SPOCK2: variants seen among roughly 807,000 people sequenced by gnomAD.
The protein encoded by SPOCK2 is testican-2.
A neutral mutation model predicts 60.1 loss-of-function variants in SPOCK2; 39 were observed. That is an observed-to-expected ratio of 0.65 (90% CI 0.50 to 0.85). The LOEUF is 0.85. SPOCK2 is among the 40% of genes least tolerant of loss of function. The pLI is 0.00. For synonymous variants in SPOCK2, 217 were observed against 231.5 expected, an observed-to-expected ratio of 0.94 and a Z score of 0.57; for missense variants, 523 against 567.4, an observed-to-expected ratio of 0.92 and a Z score of 0.80.
In SPOCK2 at chr10:72,073,629, G is replaced by A. The variant is rs773764930; in HGVS notation, c.190-719C>T. Among the ~76,000 whole-genome samples, 15 of 152,168 alleles carry A rather than the reference G, an allele frequency of 9.9e-5. No homozygotes were observed. The South Asian group carries it at 1.0e-3, about 10-fold the overall frequency. Reference sequence around the variant, plus strand: ...CAGATGACCTGACCCAGGTCCTCCCGTCACACAACCCAGGTCTCCCGATGC... The same window carrying A: ...CAGATGACCTGACCCAGGTCCTCCCATCACACAACCCAGGTCTCCCGATGC... On this transcript the variant is annotated intron_variant, in intron 1 of 10. Transcript: ENST00000373109.
At position 72,062,969 on chromosome 10, in the gene SPOCK2, C is replaced by A; in HGVS notation, c.1129+56G>T. On this transcript the variant is annotated intron_variant, in intron 10 of 10. Transcript: ENST00000373109. This position sits in a 1 kb window ranked among gnomAD's most constrained non-coding sequence, Gnocchi z 4.3. ...CTGGCACGCACCCCCCAGCATCCCA[C>A]GACAAGGGCCCCCAGGCCTGGGCCC... 1 of 1,580,584 alleles carries A rather than the reference C, an allele frequency of 6.3e-7. No homozygotes were observed. The highest frequency in any genetic ancestry group is 8.6e-7 in the Non-Finnish European group (1 of 1,165,658).
At position 72,070,446 on chromosome 10, in the gene SPOCK2, G is replaced by A. The variant is rs200935182; in HGVS notation, c.360-20C>T. On this transcript the variant is annotated intron_variant, in intron 4 of 10. Transcript: ENST00000373109. ...TTGATCCTACAGGAGAGGGTGGGGG[G>A]CACACCAGGGTGGAAGTGACAATGA... 2.6e-5 allele frequency: 42 copies of A among 1,610,972 alleles called. No homozygotes were observed. In the Admixed American group the frequency reaches 5.2e-4, roughly 20 times the overall value.
rs58176786 is a variant in SPOCK2, at chr10:72,063,031, C to A, written c.1123G>T (p.Asp375Tyr). 1.3e-6 allele frequency: 2 copies of A among 1,556,720 alleles called. No individual in the cohort carries two copies. Among genetic ancestry groups the A allele is most frequent in the South Asian group, 1.2e-5 (1 of 84,548 alleles). ...LTGTRTHGSP[D>Y]CDDIVGFSGD... ...TGAGCTGCCCAGCCCGTACCGCAGT[C>A]GGGGCTCCCATGCGTGCGCGTGCCA... Residue 375 changes from aspartate to tyrosine, a missense_variant, in exon 10 of 11, where the codon GAC becomes TAC. Coordinates refer to ENST00000373109, the MANE Select transcript of SPOCK2 (RefSeq NM_001244950.2).
At chr10:72,084,136 G>A (rs1840824274) in intron 1 of SPOCK2, among the ~76,000 whole-genome samples, 1 of 152,210 alleles carries the variant, frequency 6.6e-6, no homozygotes. Flanking sequence ...GTGAATGAGT[G>A]ACAGTGAGCG....
chr10:72,077,726 AGGCCGGCCCT>A (rs939181137), intron 1 of SPOCK2, among the ~76,000 whole-genome samples: 1 of 152,226 alleles, frequency 6.6e-6, no homozygotes, highest in Non-Finnish European at 1.5e-5. Flanking sequence ...GCTGAGGAGC[AGGCCGGCCCT>A]GGGAGAACCC....
chr10:72,085,409 C>T (rs1647798324), intron 1 of SPOCK2, among the ~76,000 whole-genome samples: 1 of 152,176 alleles, frequency 6.6e-6, no homozygotes, highest in Admixed American at 6.5e-5. Flanking sequence ...TCCTGCCTTC[C>T]CTATAATCCT....
intron 9 of SPOCK2, among the ~76,000 whole-genome samples, chr10:72,063,919 GTATCCCAAACTC>G (rs1840531144): frequency 6.6e-6 from 1 of 152,224 alleles, no homozygotes; most frequent in Non-Finnish European, 1.5e-5. Context: ...GGATCCTTCT[GTATCCCAAACTC>G]TAGCTCCAGC....
chr10:72,079,693 T>C (rs1040805493), intron 1 of SPOCK2, among the ~76,000 whole-genome samples: 3 of 152,120 alleles, frequency 2.0e-5, no homozygotes, highest in African/African-American at 7.2e-5. Flanking sequence ...AGCTTCTCCA[T>C]CTGGTATGAA....
chr10:72,065,809 T>C (rs1375067779), intron 8 of SPOCK2, among the ~76,000 whole-genome samples: 1 of 152,230 alleles, frequency 6.6e-6, no homozygotes, highest in Admixed American at 6.5e-5. Context: ...GCAGAGGGAT[T>C]TGTGAATTAC....
chr10:72,062,570 C>T lies in SPOCK2; in HGVS notation c.*190G>A. 2 of 1,032,608 alleles carry T rather than the reference C, an allele frequency of 1.9e-6. 1 individual carries two copies. The highest frequency in any genetic ancestry group is 4.8e-5 in the Admixed American group (2 of 41,726). The allele number at this position is 1,032,608 out of a possible 1,614,324, so 64.0% of individuals were successfully genotyped here. On this transcript the variant is annotated 3_prime_UTR_variant, in exon 11 of 11. Coordinates refer to ENST00000373109, the MANE Select transcript of SPOCK2 (RefSeq NM_001244950.2). The surrounding 1 kb of genome is among the most constrained non-coding windows in gnomAD (Gnocchi z 4.3). Reference sequence around the variant, plus strand: ...ACACACACATACACACATGCATGCACACATGCACTCACACTGTCACCCGTC... The same window carrying T: ...ACACACACATACACACATGCATGCATACATGCACTCACACTGTCACCCGTC...
chr10:72,082,398 C>T (rs187329304), intron 1 of SPOCK2, among the ~76,000 whole-genome samples: 135 of 152,324 alleles, frequency 8.9e-4, no homozygotes, highest in Admixed American at 2.9e-3. Flanking sequence ...CAAGGAGACG[C>T]GCAGAGACGG....
intron 3 of SPOCK2, 39 bp from the exon 4 acceptor site, chr10:72,072,297 G>A (rs746727689): frequency 3.5e-5 from 52 of 1,474,858 alleles, no homozygotes; most frequent in East Asian, 9.9e-5. Flanking sequence ...TCACCTGGGA[G>A]AACCCAGGAA....
At chr10:72,083,513 T>C (rs979740207) in intron 1 of SPOCK2, among the ~76,000 whole-genome samples, 2 of 152,236 alleles carry the variant, frequency 1.3e-5, no homozygotes, top group African/African-American at 4.8e-5. Flanking sequence ...AGCTCTTCTG[T>C]GCTCCAGGTA....
chr10:72,068,575 C>T (rs1840603316), intron 5 of SPOCK2, among the ~76,000 whole-genome samples: 1 of 152,142 alleles, frequency 6.6e-6, no homozygotes, highest in South Asian at 2.1e-4. Flanking sequence ...TCCCAGGACA[C>T]CTGTCTCCCC....
At chr10:72,067,854 A>C (rs1840591997) in intron 6 of SPOCK2, 122 bp from the exon 7 acceptor site, 1 of 1,449,374 alleles carries the variant, frequency 6.9e-7, no homozygotes, top group Non-Finnish European at 9.2e-7. Context: ...CAGCAGCAGA[A>C]GGGAAGGTGG....
intron 1 of SPOCK2, among the ~76,000 whole-genome samples, chr10:72,084,545 C>G (rs1840830565): frequency 6.6e-6 from 1 of 152,164 alleles, no homozygotes; most frequent in South Asian, 2.1e-4. Context: ...AGGTGACACT[C>G]CTACTCAGGG....
intron 1 of SPOCK2, among the ~76,000 whole-genome samples, chr10:72,081,680 T>C (rs566367390): frequency 1.6e-4 from 24 of 152,344 alleles, no homozygotes; most frequent in South Asian, 8.3e-4. Flanking sequence ...GGGACAGTCG[T>C]CCTTCACTTT....
Position 72,062,810 on chromosome 10 carries a change from C to G in SPOCK2, c.1225G>C (p.Glu409Gln). 1 of 1,610,046 alleles carries G rather than the reference C, an allele frequency of 6.2e-7. No individual in the cohort carries two copies. The highest frequency in any genetic ancestry group is 8.5e-7 in the Non-Finnish European group (1 of 1,179,836). ...GCCTCGCCTGCCTCGCCCTCCTCCT[C>G]CTCGGCCTCCTCGCCTGCTTCCTCC... ...ETEEAGEEAE[E>Q]EEGEAGEADD... The change falls in exon 11 of 11, where the codon GAG (glutamate) becomes CAG (glutamine). Residue 409 changes from glutamate to glutamine, a missense_variant. Transcript: ENST00000373109. This position sits in a 1 kb window ranked among gnomAD's most constrained non-coding sequence, Gnocchi z 4.3.
In SPOCK2 at chr10:72,062,982, C is replaced by T; in HGVS notation, c.1129+43G>A. ...CCCAGCATCCCACGACAAGGGCCCC[C>T]AGGCCTGGGCCCCCAGCAGGCCCTG... On this transcript the variant is annotated intron_variant, in intron 10 of 10. Coordinates refer to ENST00000373109, the MANE Select transcript of SPOCK2 (RefSeq NM_001244950.2). The surrounding 1 kb of genome is among the most constrained non-coding windows in gnomAD (Gnocchi z 4.3). 1 of 1,573,524 alleles carries T rather than the reference C, an allele frequency of 6.4e-7. No individual in the cohort carries two copies. Among genetic ancestry groups the T allele is most frequent in the Non-Finnish European group, 8.6e-7 (1 of 1,161,148 alleles).
Sources: allele counts gnomAD v4.1 joint callset (sites outside exome capture counted in the v4.1 genomes callset), GRCh38; gene constraint gnomAD v4.1.1; non-coding constraint Gnocchi (gnomAD v3.1); transcripts MANE v1.5; gene names NCBI Gene and HGNC (gene_info 2026-07-23, HGNC 2026-07-21).